The following TP53AIP1 variants were observed in gnomAD, a reference collection of about 807,000 sequenced individuals.
TP53AIP1 encodes p53-regulated apoptosis-inducing protein 1.
TP53AIP1 carries 14 observed loss-of-function variants against 9.5 expected under a neutral mutation model. The observed-to-expected ratio is 1.47, with a 90% CI of 0.97 to 2.30. The LOEUF (loss-of-function observed/expected upper bound fraction) is 2.30. Ranked by LOEUF, TP53AIP1 falls within the 30% of genes most tolerant of loss-of-function variation. The pLI is 0.00. For missense variants in TP53AIP1, 153 were observed against 146.7 expected (o/e 1.04, Z -0.22); for synonymous variants, 73 against 61.2 (o/e 1.19, Z -0.90).
Position 128,935,604 on chromosome 11 carries a change from A to T in TP53AIP1, c.362T>A (p.Leu121Ter). 1 of 1,574,600 alleles carries T rather than the reference A, an allele frequency of 6.4e-7. No homozygotes were observed. The highest frequency in any genetic ancestry group is 1.2e-5 in the South Asian group (1 of 86,896). Residue 121 changes from leucine (L) to a stop codon, truncating the protein, a stop_gained, in exon 4 of 4, where the codon TTG becomes TAG. Coordinates refer to ENST00000531399, the MANE Select transcript of TP53AIP1 (RefSeq NM_022112.3). LOFTEE classifies it high-confidence loss of function. ...CGTGATCTCGGCTCACTGCAACCTC[A>T]ACGGTGCTTTTTTCTGATCATAGCT... ...ELSYDQKKAP[L>*]RLQ
At chr11:128,936,671 CT>C in intron 2 of TP53AIP1, 22 bp from the exon 3 acceptor site, 1 of 1,560,174 alleles carries the variant, frequency 6.4e-7, no homozygotes, top group Non-Finnish European at 8.6e-7. Flanking sequence ...TGGAAGCAGA[CT>C]GTGAGGCCCT....
chr11:128,942,324 G>A (rs1204205995), intron 1 of TP53AIP1, among the ~76,000 whole-genome samples: 1 of 152,196 alleles, frequency 6.6e-6, no homozygotes, highest in Non-Finnish European at 1.5e-5. Context: ...CAGTGTCCAT[G>A]AGGCCACCAT....
intron 3 of TP53AIP1, chr11:128,936,193 T>C: frequency 2.8e-6 from 3 of 1,068,924 alleles, no homozygotes; most frequent in African/African-American, 1.7e-5. Context: ...CTCAACAGCT[T>C]TGCAGAAACT....
chr11:128,935,377 C>T lies in TP53AIP1; in HGVS notation c.*214G>A. Reference sequence around the variant, plus strand: ...ATGCAAACTTCACAAGAATTTTTTTCCAGCTTTTATTTCAGATTTGGGGAT... The same window carrying T: ...ATGCAAACTTCACAAGAATTTTTTTTCAGCTTTTATTTCAGATTTGGGGAT... On this transcript the variant is annotated 3_prime_UTR_variant, in exon 4 of 4. Coordinates refer to ENST00000531399, the MANE Select transcript of TP53AIP1 (RefSeq NM_022112.3). 1 of 1,411,338 alleles carries T rather than the reference C, an allele frequency of 7.1e-7. No individual in the cohort carries two copies. The highest frequency in any genetic ancestry group is 2.6e-5 in the East Asian group (1 of 38,902). 87.4% of individuals were successfully genotyped at this position (1,411,338 alleles called of 1,614,324 possible).
downstream of TP53AIP1, chr11:128,934,844 T>A (rs140365663): frequency 3.7e-4 from 218 of 596,290 alleles, 2 homozygotes; most frequent in East Asian, 6.1e-3. Context: ...GCATCCAATG[T>A]GGGCGATTGA....
In TP53AIP1 at chr11:128,937,972, G is replaced by T; in HGVS notation, c.-76-78C>A. ...CCAGCAATGATGATTTCTACTGTTA[G>T]GGTTTCAGTTGTACTTGGATCTGGG... On this transcript the variant is annotated intron_variant, in intron 1 of 3. Coordinates refer to ENST00000531399, the MANE Select transcript of TP53AIP1 (RefSeq NM_022112.3). This position sits in a 1 kb window ranked among gnomAD's most constrained non-coding sequence, Gnocchi z 4.8. The T allele has an allele frequency of 1.2e-6, 1 of 863,958 alleles. No individual in the cohort carries two copies. The highest frequency in any genetic ancestry group is 1.7e-6 in the Non-Finnish European group (1 of 577,418). The allele number at this position is 863,958 out of a possible 1,614,324, so 53.5% of individuals were successfully genotyped here. A position where few individuals can be genotyped will look rare whatever the true frequency, so the allele number is the denominator to read the frequency against.
chr11:128,935,725 G>A lies in TP53AIP1; in HGVS notation c.254-13C>T, dbSNP rs906406674. On this transcript the variant is annotated splice_polypyrimidine_tract_variant and intron_variant, in intron 3 of 3. Coordinates refer to ENST00000531399, the MANE Select transcript of TP53AIP1 (RefSeq NM_022112.3). ...CCTAGACCAAGGCCTCAGTAGGGAG[G>A]GAGAGAATTTACTCTTTGCAAAACG... 1.3e-6 allele frequency: 2 copies of A among 1,549,092 alleles called. No individual in the cohort carries two copies. Among genetic ancestry groups the A allele is most frequent in the East Asian group, 2.3e-5 (1 of 42,782 alleles).
chr11:128,936,446 T>C, intron 3 of TP53AIP1, 92 bp downstream of exon 3: 1 of 1,440,060 alleles, frequency 6.9e-7, no homozygotes, highest in South Asian at 1.5e-5. Context: ...CAAAAAACCC[T>C]ATGTCGTTAC....
chr11:128,937,813 TCC>T lies in TP53AIP1; in HGVS notation c.4_5del (p.Gly2IlefsTer4). On this transcript the variant is annotated frameshift_variant, in exon 2 of 4. Coordinates refer to ENST00000531399, the MANE Select transcript of TP53AIP1 (RefSeq NM_022112.3). LOFTEE classifies it high-confidence loss of function. This position sits in a 1 kb window ranked among gnomAD's most constrained non-coding sequence, Gnocchi z 4.8. ...ATCTGAAGCTCGCCTCAGAGGAAGATCCCATCCAGGGGAGGCCCTGTCTGCAG... is the reference window on the plus strand; with the variant it reads ...ATCTGAAGCTCGCCTCAGAGGAAGATCATCCAGGGGAGGCCCTGTCTGCAG... M[G>X]SSSEASFRSA... is the part of the protein sequence containing the mutation. 6.2e-7 allele frequency: 1 copy of T among 1,609,078 alleles called. No individual in the cohort carries two copies. The highest frequency in any genetic ancestry group is 8.5e-7 in the Non-Finnish European group (1 of 1,177,682).
Position 128,936,727 on chromosome 11 carries a change from C to T in TP53AIP1, c.142-78G>A, listed in dbSNP as rs1944831770. The T allele has an allele frequency of 2.7e-6, 4 of 1,491,812 alleles. No homozygotes were observed. In the Admixed American group the frequency reaches 9.4e-5, roughly 35 times the overall value. The allele number at this position is 1,491,812 out of a possible 1,614,324, so 92.4% of individuals were successfully genotyped here. ...GGTTTATTCTTCTCTGGCAGGTTTT[C>T]CCCTAGGTATTCATGGCATCCAGGG... On this transcript the variant is annotated intron_variant, in intron 2 of 3. Transcript: ENST00000531399.
Position 128,939,068 on chromosome 11 carries a change from G to A in TP53AIP1, c.-76-1174C>T, listed in dbSNP as rs1317682602. ...CTCGGAATACTTCCTGCAACCTTATGAAGTTCTCGCCCAATTTAACAAGCA... is the reference window on the plus strand; with the variant it reads ...CTCGGAATACTTCCTGCAACCTTATAAAGTTCTCGCCCAATTTAACAAGCA... On this transcript the variant is annotated intron_variant, in intron 1 of 3. Coordinates refer to ENST00000531399, the MANE Select transcript of TP53AIP1 (RefSeq NM_022112.3). The surrounding 1 kb of genome is among the most constrained non-coding windows in gnomAD (Gnocchi z 4.1). 1.3e-5 allele frequency among the ~76,000 whole-genome samples: 2 copies of A among 152,194 alleles called. No individual in the cohort carries two copies. Among genetic ancestry groups the A allele is most frequent in the Non-Finnish European group, 2.9e-5 (2 of 68,036 alleles).
Position 128,937,829 on chromosome 11 carries a change from C to T in TP53AIP1, c.-11G>A. 2 of 1,597,848 alleles carry T rather than the reference C, an allele frequency of 1.3e-6. No individual in the cohort carries two copies. Among genetic ancestry groups the T allele is most frequent in the Non-Finnish European group, 1.7e-6 (2 of 1,172,180 alleles). On this transcript the variant is annotated 5_prime_UTR_variant, in exon 2 of 4. Coordinates refer to ENST00000531399, the MANE Select transcript of TP53AIP1 (RefSeq NM_022112.3). The surrounding 1 kb of genome is among the most constrained non-coding windows in gnomAD (Gnocchi z 4.8). ...AGAGGAAGATCCCATCCAGGGGAGG[C>T]CCTGTCTGCAGAAAGCAGAGAACTT...
intron 1 of TP53AIP1, among the ~76,000 whole-genome samples, chr11:128,941,999 A>G (rs920613917): frequency 1.3e-5 from 2 of 151,914 alleles, no homozygotes; most frequent in East Asian, 1.9e-4. Context: ...CCCTTCCTAC[A>G]TGGAGGGTGC....
Position 128,936,565 on chromosome 11 carries a change from A to T in TP53AIP1, c.226T>A (p.Ser76Thr), listed in dbSNP as rs754039433. The change falls in exon 3 of 4, where the codon TCC becomes ACC. Residue 76 changes from serine to threonine, a missense_variant. Coordinates refer to ENST00000531399, the MANE Select transcript of TP53AIP1 (RefSeq NM_022112.3). ...EALSVSSGSW[S>T]SATVWILTGL... ...GTCAGGATCCAGACAGTTGCTGAGGACCAAGATCCAGACGAGACTGACAGA... is the reference window on the plus strand; with the variant it reads ...GTCAGGATCCAGACAGTTGCTGAGGTCCAAGATCCAGACGAGACTGACAGA... 13 of 1,583,288 alleles carry T rather than the reference A, an allele frequency of 8.2e-6. No individual in the cohort carries two copies. Among genetic ancestry groups the T allele is most frequent in the African/African-American group, 2.7e-5 (2 of 74,580 alleles).
At chr11:128,936,741 T>A in intron 2 of TP53AIP1, 92 bp from the exon 3 acceptor site, 1 of 1,474,778 alleles carries the variant, frequency 6.8e-7, no homozygotes, top group Non-Finnish European at 8.9e-7. Flanking sequence ...TAGGTATTCA[T>A]GGCATCCAGG....
At chr11:128,941,245 G>A (rs1481329055) in intron 1 of TP53AIP1, among the ~76,000 whole-genome samples, 3 of 152,166 alleles carry the variant, frequency 2.0e-5, no homozygotes, top group Non-Finnish European at 4.4e-5. Context: ...CCCGCTCTGT[G>A]CCCTCACACA....
rs1283682677 is a variant in TP53AIP1 at position 128,937,698 on chromosome 11, G to A, written c.121C>T (p.Gln41Ter). ...LSVMPPNGRA[Q>*]THTPGWVSDP... ...CTTACCCAGCCAGGTGTGTGTGTCT[G>A]AGCCCTGCCATTCGGAGGCATCACC... The change falls in exon 2 of 4, where the codon CAG (glutamine) becomes TAG (stop). Residue 41 changes from glutamine (Q) to a stop codon, truncating the protein, a stop_gained. Coordinates refer to ENST00000531399, the MANE Select transcript of TP53AIP1 (RefSeq NM_022112.3). LOFTEE classifies it high-confidence loss of function. This position sits in a 1 kb window ranked among gnomAD's most constrained non-coding sequence, Gnocchi z 4.8. 38 of 1,614,160 alleles carry A rather than the reference G, an allele frequency of 2.4e-5. No homozygotes were observed. Among genetic ancestry groups the A allele is most frequent in the Non-Finnish European group, 3.2e-5 (38 of 1,180,026 alleles).
Position 128,937,932 on chromosome 11 carries a change from G to A in TP53AIP1, c.-76-38C>T. ...AAAACAGGCTATGAACAGAAGCAGT[G>A]GTGGCAGCGCTGGGCCAGCAATGAT... is the stretch of plus-strand genomic sequence containing the variant. On this transcript the variant is annotated intron_variant, in intron 1 of 3. Coordinates refer to ENST00000531399, the MANE Select transcript of TP53AIP1 (RefSeq NM_022112.3). The surrounding 1 kb of genome is among the most constrained non-coding windows in gnomAD (Gnocchi z 4.8). 1 of 1,151,292 alleles carries A rather than the reference G, an allele frequency of 8.7e-7. No homozygotes were observed. Among genetic ancestry groups the A allele is most frequent in the Non-Finnish European group, 1.2e-6 (1 of 829,286 alleles). 71.3% of individuals were successfully genotyped at this position (1,151,292 alleles called of 1,614,324 possible). A position where few individuals can be genotyped will look rare whatever the true frequency, so the allele number is the denominator to read the frequency against.
At position 128,937,620 on chromosome 11, in the gene TP53AIP1, GTC is replaced by G; in HGVS notation, c.141+56_141+57del. 1 of 1,614,178 alleles carries G rather than the reference GTC, an allele frequency of 6.2e-7. No individual in the cohort carries two copies. The highest frequency in any genetic ancestry group is 8.5e-7 in the Non-Finnish European group (1 of 1,180,032). On this transcript the variant is annotated intron_variant, in intron 2 of 3. Transcript: ENST00000531399. This position sits in a 1 kb window ranked among gnomAD's most constrained non-coding sequence, Gnocchi z 4.8. ...ATGTCGGCACCACGGTGAGAGCAGA[GTC>G]TGCCCGGGGCTGTGGCAGGCAAAAG...
Sources: gnomAD v4.1 joint callset for allele counts (sites outside exome capture counted in the v4.1 genomes callset) on GRCh38, gnomAD v4.1.1 for gene constraint, Gnocchi (gnomAD v3.1) non-coding constraint, MANE v1.5 for transcripts, NCBI Gene and HGNC (gene_info 2026-07-23, HGNC 2026-07-21) for gene names.